Variants in MEI1 observed in about 807,000 individuals in gnomAD.
MEI1 encodes the protein meiotic double-stranded break formation protein 1, also known as meiosis inhibitor protein 1.
In MEI1, 103 loss-of-function variants were observed where a neutral mutation model predicts 146.2. The ratio of observed to expected loss-of-function variants is 0.70; its 90% CI spans 0.60 to 0.83. The LOEUF (loss-of-function observed/expected upper bound fraction) is 0.83, where lower values mean the gene tolerates loss of function less well. Ranked by LOEUF, MEI1 falls within the 40% of genes least tolerant of loss-of-function variation. The pLI is 0.00. For synonymous variants in MEI1, 652 were observed against 628.2 expected (o/e 1.04, Z -0.57); for missense variants, 1,529 against 1,533.0 (o/e 1.00, Z 0.04).
chr22:41,710,574 C>A (rs1164422621), intron 3 of MEI1, among the ~76,000 whole-genome samples: 3 of 152,260 alleles, frequency 2.0e-5, no homozygotes, highest in Non-Finnish European at 4.4e-5. Flanking sequence ...TCTTCAGAGG[C>A]CATTCCACAT....
intron 26 of MEI1, among the ~76,000 whole-genome samples, chr22:41,790,543 A>G (rs970541293): frequency 1.3e-5 from 2 of 151,952 alleles, no homozygotes; most frequent in African/African-American, 2.4e-5. Context: ...ACATTATCAT[A>G]TTTTATTATA....
At chr22:41,775,960 A>G in intron 20 of MEI1, 142 bp from the exon 21 acceptor site, 2 of 757,384 alleles carry the variant, frequency 2.6e-6, no homozygotes, top group South Asian at 3.6e-5. Flanking sequence ...TTTGGTACAT[A>G]ATAGGTGCTG....
chr22:41,745,161 T>C, intron 13 of MEI1, 97 bp downstream of exon 13: 1 of 873,742 alleles, frequency 1.1e-6, no homozygotes. Context: ...ACTTGATTTC[T>C]GATACTCTGC....
At chr22:41,769,009 C>T (rs138714625) in intron 19 of MEI1, among the ~76,000 whole-genome samples, 12 of 152,090 alleles carry the variant, frequency 7.9e-5, no homozygotes, top group African/African-American at 1.9e-4. Flanking sequence ...CCAAATTGAT[C>T]GGTAGATTCA....
intron 24 of MEI1, 33 bp from the exon 25 acceptor site, chr22:41,784,306 T>TG: frequency 6.3e-7 from 1 of 1,596,936 alleles, no homozygotes; most frequent in Non-Finnish European, 8.6e-7. Flanking sequence ...TTCCAGAACA[T>TG]GGGGGTTAGC....
chr22:41,732,652 G>T (rs1321332883), intron 11 of MEI1, 49 bp downstream of exon 11: 2 of 1,571,672 alleles, frequency 1.3e-6, no homozygotes, highest in Non-Finnish European at 8.6e-7. Flanking sequence ...TATACCTAAG[G>T]GCCTGTTGAG....
At chr22:41,794,514 G>A (rs1399421090) in intron 28 of MEI1, 37 bp downstream of exon 28, 2 of 1,559,818 alleles carry the variant, frequency 1.3e-6, no homozygotes, top group Non-Finnish European at 1.8e-6. Context: ...TCTGAGGAGT[G>A]TCATGAGCTG....
Position 41,743,093 on chromosome 22 carries a change from A to G in MEI1, c.1345A>G (p.Ser449Gly). Residue 449 changes from serine to glycine, a missense_variant, in exon 12 of 31, where the codon AGC becomes GGC. By Grantham distance (56) the Ser-to-Gly change is moderately conservative. Coordinates refer to ENST00000401548, the MANE Select transcript of MEI1 (RefSeq NM_152513.4). Reference protein sequence around the residue: ...TSAFLRKDHQSTPPVQYGELQ... With the variant: ...TSAFLRKDHQGTPPVQYGELQ... ...CTCTGGATGCAGGAAGGACCATCAG[A>G]GCACTCCACCTGTGCAGTATGGGGA... 6.2e-7 allele frequency: 1 copy of G among 1,611,054 alleles called. No individual in the cohort carries two copies. The highest frequency in any genetic ancestry group is 8.5e-7 in the Non-Finnish European group (1 of 1,178,034).
chr22:41,738,788 A>G (rs1412202255), intron 11 of MEI1, among the ~76,000 whole-genome samples: 1 of 132,432 alleles, frequency 7.6e-6, no homozygotes, highest in East Asian at 2.2e-4. Flanking sequence ...AAAATAAATA[A>G]ATAAATAAGT....
Position 41,718,141 on chromosome 22 carries a change from C to T in MEI1, c.600C>T (p.Tyr200=). 1 of 1,613,804 alleles carries T rather than the reference C, an allele frequency of 6.2e-7. No homozygotes were observed. Among genetic ancestry groups the T allele is most frequent in the African/African-American group, 1.3e-5 (1 of 75,016 alleles). The change falls in exon 6 of 31, where the codon TAC becomes TAT. Residue 200 remains tyrosine (Y), a synonymous_variant. Coordinates refer to ENST00000401548, the MANE Select transcript of MEI1 (RefSeq NM_152513.4). ...AGGGCATACAAGCTTCTGTCTGTTA[C>T]CTTTATGGGAAGCTATACTCCTCAC... ...PSEGIQASVC[Y]LYGKLYSSPV...
At chr22:41,720,847 C>G (rs978925440) in intron 6 of MEI1, among the ~76,000 whole-genome samples, 2 of 152,080 alleles carry the variant, frequency 1.3e-5, no homozygotes, top group Non-Finnish European at 2.9e-5. Context: ...TCTCTGCTCA[C>G]TGCAAGCTCC....
At chr22:41,763,415 C>A in intron 19 of MEI1, 94 bp downstream of exon 19, 2 of 1,418,972 alleles carry the variant, frequency 1.4e-6, no homozygotes, top group Non-Finnish European at 1.9e-6. Context: ...TATAGACAAG[C>A]GGGTGGTAGA....
At position 41,745,888 on chromosome 22, in the gene MEI1, G is replaced by A. The variant is rs1569236374; in HGVS notation, c.1542G>A (p.Leu514=). Residue 514 remains leucine, a synonymous_variant, in exon 14 of 31, where the codon TTG becomes TTA. Transcript: ENST00000401548. The part of the protein sequence containing the change: ...TLEGFRSACR[L]AIEFQSEPSA... ...TACTCACACATTGATTTCTTAGGTT[G>A]GCTATAGAATTCCAGAGTGAGCCTT... is the stretch of plus-strand genomic sequence containing the variant. 3 of 1,606,356 alleles carry A rather than the reference G, an allele frequency of 1.9e-6. No homozygotes were observed. Among genetic ancestry groups the A allele is most frequent in the Non-Finnish European group, 2.6e-6 (3 of 1,174,342 alleles).
chr22:41,786,884 G>A (rs2076007248), intron 26 of MEI1, among the ~76,000 whole-genome samples: 1 of 152,204 alleles, frequency 6.6e-6, no homozygotes, highest in African/African-American at 2.4e-5. Flanking sequence ...TGTTTATGTA[G>A]CCATCATATC....
rs772542601 is a variant in MEI1 at position 41,758,485 on chromosome 22, A to C, written c.2072A>C (p.Gln691Pro). The C allele has an allele frequency of 1.2e-6, 2 of 1,613,814 alleles. No homozygotes were observed. Among genetic ancestry groups the C allele is most frequent in the South Asian group, 2.2e-5 (2 of 91,054 alleles). ...ATGGAGGGAGCTGCTCGCCAGAGAC[A>C]GTACTGCATCCTGCTCCTCTTCTAC... The part of the protein sequence containing the change: ...QYMEGAARQR[Q>P]YCILLLFYLA... Residue 691 changes from glutamine (Q) to proline (P), a missense_variant, in exon 18 of 31, where the codon CAG becomes CCG. Around this residue, in one of 3 missense-constraint regions of MEI1, gnomAD observed 1,212 missense variants for 1,178.9 expected, o/e 1.03. Coordinates refer to ENST00000401548, the MANE Select transcript of MEI1 (RefSeq NM_152513.4).
chr22:41,743,648 A>T (rs1195265155), intron 12 of MEI1, among the ~76,000 whole-genome samples: 4 of 152,222 alleles, frequency 2.6e-5, no homozygotes, highest in Non-Finnish European at 5.9e-5. Context: ...AGATATCAGG[A>T]AAGACACTGT....
chr22:41,720,263 C>T (rs931578242), intron 6 of MEI1, among the ~76,000 whole-genome samples: 29 of 151,964 alleles, frequency 1.9e-4, no homozygotes, highest in African/African-American at 6.3e-4. Context: ...CCTGTATCTG[C>T]GGTAACTTGC....
chr22:41,760,563 G>A (rs372588081), intron 18 of MEI1, among the ~76,000 whole-genome samples: 2 of 152,080 alleles, frequency 1.3e-5, no homozygotes, highest in African/African-American at 4.8e-5. Context: ...GTAGTAGGAC[G>A]AGCCGTAGAC....
In MEI1 at chr22:41,776,262, CAGG is replaced by C; in HGVS notation, c.2709_2710+1del. ...CTAGTGGAGCATGGGGCATCCCCAT[CAGG>C]AGGTCAGTCTGCAGGTGCTGTGGGC... On this transcript the variant is annotated inframe_deletion and splice_region_variant, in exon 21 of 31. Transcript: ENST00000401548. The C allele has an allele frequency of 1.2e-6, 2 of 1,613,398 alleles. No individual in the cohort carries two copies. The highest frequency in any genetic ancestry group is 1.1e-5 in the South Asian group (1 of 91,042).
Sources: allele counts gnomAD v4.1 joint callset (sites outside exome capture counted in the v4.1 genomes callset), GRCh38; gene constraint gnomAD v4.1.1; regional missense constraint gnomAD v4.1.1; transcripts MANE v1.5; gene names NCBI Gene and HGNC (gene_info 2026-07-23, HGNC 2026-07-21).